Variants in TEAD1 observed in about 807,000 individuals in gnomAD.
TEAD1 encodes transcriptional enhancer factor TEF-1.
In TEAD1, 9 loss-of-function variants were observed where a neutral mutation model predicts 54.9. That is an observed-to-expected ratio of 0.16 (90% CI 0.10 to 0.29). The LOEUF (loss-of-function observed/expected upper bound fraction) is 0.29. TEAD1 is among the 10% of genes least tolerant of loss of function. The pLI is 1.00. For synonymous variants in TEAD1, 200 were observed against 187.8 expected (o/e 1.07, Z -0.53); for missense variants, 387 against 535.9 (o/e 0.72, Z 2.74).
chr11:12,922,039 G>T lies in TEAD1; in HGVS notation c.874-2873G>T, dbSNP rs1948815906. Among the ~76,000 whole-genome samples, 9 of 152,314 alleles carry T rather than the reference G, an allele frequency of 5.9e-5. No homozygotes were observed. In the South Asian group the frequency reaches 1.9e-3, roughly 32 times the overall value. ...TAAAACCGGATAAGTACAAGTTAAA[G>T]CAGATTGGAAACCAGTAAAAGGAGC... On this transcript the variant is annotated intron_variant, in intron 10 of 12. Transcript: ENST00000527636.
At chr11:12,737,534 C>T (rs764031265) in intron 2 of TEAD1, among the ~76,000 whole-genome samples, 12 of 152,188 alleles carry the variant, frequency 7.9e-5, no homozygotes, top group Non-Finnish European at 1.5e-4. Flanking sequence ...GGAGCTGTTC[C>T]GCATTGGGTT....
Position 12,764,313 on chromosome 11 carries a change from T to G in TEAD1, c.81T>G (p.Ile27Met), listed in dbSNP as rs745465604. 1.2e-6 allele frequency: 2 copies of G among 1,614,038 alleles called. No individual in the cohort carries two copies. Among genetic ancestry groups the G allele is most frequent in the East Asian group, 4.5e-5 (2 of 44,900 alleles). The change falls in exon 3 of 13, where the codon ATT (isoleucine) becomes ATG (methionine). Residue 27 changes from isoleucine to methionine, a missense_variant. This residue lies in a region of TEAD1 where 55 missense variants were observed against 50.4 expected (regional missense o/e 1.09). Coordinates refer to ENST00000527636, the MANE Select transcript of TEAD1 (RefSeq NM_021961.6). ...TGAGTGACTCTGCAGATAAGCCAAT[T>G]GACAATGATGCAGAAGGGGTCTGGA...
chr11:12,900,990 A>T (rs1454882897), intron 9 of TEAD1, among the ~76,000 whole-genome samples: 2 of 152,188 alleles, frequency 1.3e-5, no homozygotes, highest in Non-Finnish European at 2.9e-5. Flanking sequence ...TATAACGTCT[A>T]GACCAGTGGT....
intron 3 of TEAD1, among the ~76,000 whole-genome samples, chr11:12,837,275 A>AATTATTATT (rs1444589399): frequency 7.4e-6 from 1 of 134,692 alleles, no homozygotes; most frequent in Non-Finnish European, 1.6e-5. Flanking sequence ...GTGTGCTTAA[A>AATTATTATT]ATTATTATTA....
chr11:12,913,054 A>G (rs909658766), intron 10 of TEAD1, among the ~76,000 whole-genome samples: 2 of 152,174 alleles, frequency 1.3e-5, no homozygotes, highest in African/African-American at 2.4e-5. Flanking sequence ...ACCTCAAGAA[A>G]AACCTGAGAA....
chr11:12,755,822 G>A (rs1342701441), intron 2 of TEAD1, among the ~76,000 whole-genome samples: 2 of 152,172 alleles, frequency 1.3e-5, no homozygotes, highest in African/African-American at 4.8e-5. Context: ...AACTGGGTCT[G>A]TGGCCTTGTC....
At chr11:12,846,046 TTA>T (rs1206422068) in intron 3 of TEAD1, among the ~76,000 whole-genome samples, 1 of 152,226 alleles carries the variant, frequency 6.6e-6, no homozygotes, top group Non-Finnish European at 1.5e-5. Context: ...TATTGTCATG[TTA>T]TGTGTACACA....
chr11:12,865,106 T>G, intron 5 of TEAD1: 1 of 650,812 alleles, frequency 1.5e-6, no homozygotes, highest in East Asian at 2.8e-5. Context: ...TGTGTGTGTT[T>G]GCGTGTGTGT....
At chr11:12,787,649 A>T (rs566674439) in intron 3 of TEAD1, among the ~76,000 whole-genome samples, 70 of 152,318 alleles carry the variant, frequency 4.6e-4, no homozygotes, top group African/African-American at 1.6e-3. Context: ...ATAATATAGA[A>T]CTTTCTCGGC....
chr11:12,762,308 C>T (rs1945118340), intron 2 of TEAD1, among the ~76,000 whole-genome samples: 1 of 152,062 alleles, frequency 6.6e-6, no homozygotes, highest in Non-Finnish European at 1.5e-5. Context: ...CATAATTTAT[C>T]TAATAAACTA....
At chr11:12,909,001 T>G (rs971125718) in intron 10 of TEAD1, among the ~76,000 whole-genome samples, 3 of 151,946 alleles carry the variant, frequency 2.0e-5, no homozygotes, top group Non-Finnish European at 4.4e-5. Flanking sequence ...GTTGTAGCAG[T>G]TACTCTCTCA....
At chr11:12,877,273 T>G (rs1186539250) in intron 5 of TEAD1, among the ~76,000 whole-genome samples, 2 of 152,190 alleles carry the variant, frequency 1.3e-5, no homozygotes, top group African/African-American at 2.4e-5. Flanking sequence ...ATTACAGATG[T>G]TCATAATGAC....
At chr11:12,675,234 G>A (rs1293793120) in intron 1 of TEAD1, among the ~76,000 whole-genome samples, 175 bp from the exon 2 acceptor site, 2 of 151,822 alleles carry the variant, frequency 1.3e-5, no homozygotes, top group East Asian at 1.9e-4. Context: ...GGCGGGCAGA[G>A]CCGCCGCCTC....
intron 2 of TEAD1, among the ~76,000 whole-genome samples, chr11:12,683,775 G>A (rs945151269): frequency 2.0e-5 from 3 of 152,182 alleles, no homozygotes; most frequent in African/African-American, 7.2e-5. Context: ...GAGTAGGAGG[G>A]GGGAACTGAT....
At chr11:12,883,205 C>T (rs1589955951) in intron 9 of TEAD1, 80 bp downstream of exon 9, 13 of 1,599,420 alleles carry the variant, frequency 8.1e-6, no homozygotes, top group Non-Finnish European at 1.1e-5. Context: ...CTCTTTCTTT[C>T]CTCCTTTACC....
At chr11:12,827,015 T>C (rs1946671501) in intron 3 of TEAD1, among the ~76,000 whole-genome samples, 1 of 152,222 alleles carries the variant, frequency 6.6e-6, no homozygotes, top group Non-Finnish European at 1.5e-5. Context: ...CTCTCAACTC[T>C]CTGTCTCCAA....
chr11:12,855,994 T>C (rs1235162733), intron 3 of TEAD1, among the ~76,000 whole-genome samples: 1 of 151,516 alleles, frequency 6.6e-6, no homozygotes, highest in African/African-American at 2.4e-5. Flanking sequence ...TAGAAGGCAG[T>C]TTAGCACTGT....
chr11:12,846,526 T>C (rs1474233369), intron 3 of TEAD1, among the ~76,000 whole-genome samples: 1 of 152,060 alleles, frequency 6.6e-6, no homozygotes, highest in African/African-American at 2.4e-5. Flanking sequence ...GAAGTCAAAC[T>C]TCTGTGTGGT....
intron 3 of TEAD1, among the ~76,000 whole-genome samples, chr11:12,820,483 G>T (rs537658243): frequency 6.6e-6 from 1 of 152,124 alleles, no homozygotes; most frequent in African/African-American, 2.4e-5. Context: ...CAGATCTTAG[G>T]AGTTACAGGT....
Sources: allele counts gnomAD v4.1 joint callset (sites outside exome capture counted in the v4.1 genomes callset), GRCh38; gene constraint gnomAD v4.1.1; regional missense constraint gnomAD v4.1.1; transcripts MANE v1.5; gene names NCBI Gene and HGNC (gene_info 2026-07-23, HGNC 2026-07-21).